CSDE1: variants seen among roughly 807,000 people sequenced by gnomAD.
CSDE1 encodes the protein cold shock domain containing E1, also known as cold shock domain-containing protein E1.
CSDE1 carries 17 observed loss-of-function variants against 89.3 expected under a neutral mutation model. The observed-to-expected ratio is 0.19, with a 90% CI of 0.13 to 0.29. The LOEUF (loss-of-function observed/expected upper bound fraction) is 0.29, where lower values mean the gene tolerates loss of function less well. Ranked by LOEUF, CSDE1 falls within the 10% of genes least tolerant of loss-of-function variation. The pLI is 1.00. For synonymous variants in CSDE1, 322 were observed against 332.8 expected, an observed-to-expected ratio of 0.97 and a Z score of 0.35; for missense variants, 672 against 984.2, an observed-to-expected ratio of 0.68 and a Z score of 4.24.
chr1:114,742,135 A>G (rs1458619128), intron 2 of CSDE1, among the ~76,000 whole-genome samples: 1 of 152,230 alleles, frequency 6.6e-6, no homozygotes, highest in Non-Finnish European at 1.5e-5. Flanking sequence ...CAGATGGTCT[A>G]TGAGTATCAT....
chr1:114,726,132 C>A, intron 14 of CSDE1, 79 bp downstream of exon 14: 1 of 1,359,548 alleles, frequency 7.4e-7, no homozygotes, highest in Non-Finnish European at 1.0e-6. Flanking sequence ...TATAATCAAT[C>A]AATACTAAAT....
intron 12 of CSDE1, among the ~76,000 whole-genome samples, chr1:114,727,989 T>G (rs1659890850): frequency 6.6e-6 from 1 of 152,182 alleles, no homozygotes; most frequent in Admixed American, 6.5e-5. Context: ...TAAACTCCAG[T>G]CCTCATTACA....
chr1:114,749,944 A>G lies in CSDE1; in HGVS notation c.-124T>C, dbSNP rs1273234191. The stretch of plus-strand genomic sequence containing the variant: ...AAGAGCGAGAGAAAATGATCTACCA[A>G]GCTAATAAAGAATACAACTGCTGCT... On this transcript the variant is annotated 5_prime_UTR_variant, in exon 2 of 20. Coordinates refer to ENST00000358528, the MANE Select transcript of CSDE1 (RefSeq NM_001007553.3). 6.6e-6 allele frequency: 1 copy of G among 152,646 alleles called. No individual in the cohort carries two copies. Among genetic ancestry groups the G allele is most frequent in the African/African-American group, 2.4e-5 (1 of 41,440 alleles). 9.5% of individuals were successfully genotyped at this position (152,646 alleles called of 1,614,324 possible). A position where few individuals can be genotyped will look rare whatever the true frequency, so the allele number is the denominator to read the frequency against.
At chr1:114,720,933 C>G (rs6692673) in intron 16 of CSDE1, among the ~76,000 whole-genome samples, 1 of 152,182 alleles carries the variant, frequency 6.6e-6, no homozygotes, top group African/African-American at 2.4e-5. Flanking sequence ...CCCATCAGTA[C>G]TTTATTAGCT....
At chr1:114,730,755 G>T in intron 10 of CSDE1, 107 bp from the exon 11 acceptor site, 1 of 1,283,718 alleles carries the variant, frequency 7.8e-7, no homozygotes, top group Non-Finnish European at 1.1e-6. Flanking sequence ...TCTCTGATGT[G>T]ACACAAATAC....
At chr1:114,741,364 C>A (rs955781795) in intron 2 of CSDE1, among the ~76,000 whole-genome samples, 2 of 152,084 alleles carry the variant, frequency 1.3e-5, no homozygotes, top group African/African-American at 2.4e-5. Context: ...GGCAGTAAGA[C>A]CCTAATCTAC....
rs1472731217 is a variant in CSDE1 at position 114,734,039 on chromosome 1, C to G, written c.661G>C (p.Glu221Gln). 6.2e-7 allele frequency: 1 copy of G among 1,613,348 alleles called. No individual in the cohort carries two copies. The highest frequency in any genetic ancestry group is 8.5e-7 in the Non-Finnish European group (1 of 1,179,974). ...FHYSEFKGDL[E>Q]TLQPGDDVEF... ...ACATCATCGCCAGGCTGTAAGGTTT[C>G]TAAGTCACCCTTAAATTCACTATAG... Residue 221 changes from glutamate (E) to glutamine (Q), a missense_variant, in exon 8 of 20, where the codon GAA becomes CAA. Coordinates refer to ENST00000358528, the MANE Select transcript of CSDE1 (RefSeq NM_001007553.3).
At chr1:114,722,087 G>A (rs1473661243) in intron 16 of CSDE1, among the ~76,000 whole-genome samples, 2 of 151,964 alleles carry the variant, frequency 1.3e-5, no homozygotes, top group Admixed American at 1.3e-4. Flanking sequence ...TCGCCATGTT[G>A]GCCAGGCTGG....
intron 2 of CSDE1, chr1:114,741,470 A>T: frequency 6.9e-7 from 1 of 1,442,294 alleles, no homozygotes; most frequent in Non-Finnish European, 9.2e-7. Flanking sequence ...TGGCAATCCT[A>T]GGTCATGCTC....
intron 2 of CSDE1, among the ~76,000 whole-genome samples, chr1:114,745,706 C>T (rs923256122): frequency 6.6e-6 from 1 of 152,210 alleles, no homozygotes; most frequent in African/African-American, 2.4e-5. Context: ...ACCTTCTACC[C>T]TTTTCTACAT....
intron 10 of CSDE1, among the ~76,000 whole-genome samples, chr1:114,731,872 CG>C (rs1660119775): frequency 6.6e-6 from 1 of 152,146 alleles, no homozygotes; most frequent in African/African-American, 2.4e-5. Context: ...TGCAGGGCAA[CG>C]GCATGGTATT....
At chr1:114,722,707 G>A (rs576324646) in intron 16 of CSDE1, among the ~76,000 whole-genome samples, 122 of 152,346 alleles carry the variant, frequency 8.0e-4, no homozygotes, top group African/African-American at 2.8e-3. Context: ...AAAGCAGCAC[G>A]TTAGGAGATG....
chr1:114,739,733 C>T lies in CSDE1; in HGVS notation c.158G>A (p.Cys53Tyr). 1 of 1,614,056 alleles carries T rather than the reference C, an allele frequency of 6.2e-7. No homozygotes were observed. The highest frequency in any genetic ancestry group is 8.5e-7 in the Non-Finnish European group (1 of 1,179,956). ...TTGCAGGTTGCCATTATACTGTGAA[C>T]AGTGGAAGAAAAGTCTAGCTTGACG... is the stretch of plus-strand genomic sequence containing the variant. ...SERQARLFFH[C>Y]SQYNGNLQDL... The change falls in exon 3 of 20, where the codon TGT becomes TAT. Residue 53 changes from cysteine (C) to tyrosine (Y), a missense_variant. By Grantham distance (194) the Cys-to-Tyr change is radical. Transcript: ENST00000358528.
chr1:114,736,714 A>T, intron 6 of CSDE1, 44 bp downstream of exon 6: 1 of 1,362,956 alleles, frequency 7.3e-7, no homozygotes, highest in Non-Finnish European at 1.0e-6. Context: ...GAGGGGGGAA[A>T]AAAAAACCGC....
chr1:114,750,871 C>T (rs1446404959), intron 1 of CSDE1, among the ~76,000 whole-genome samples: 3 of 152,180 alleles, frequency 2.0e-5, no homozygotes, highest in African/African-American at 4.8e-5. Flanking sequence ...TTCAGAGCAG[C>T]GACCATGCAT....
chr1:114,739,126 G>A (rs1660578930), intron 3 of CSDE1, among the ~76,000 whole-genome samples: 1 of 151,948 alleles, frequency 6.6e-6, no homozygotes, highest in Non-Finnish European at 1.5e-5. Context: ...CCGCCTCCCA[G>A]GTTCACACCA....
At chr1:114,752,825 TA>T (rs1372069719) in intron 1 of CSDE1, among the ~76,000 whole-genome samples, 1 of 152,242 alleles carries the variant, frequency 6.6e-6, no homozygotes, top group Non-Finnish European at 1.5e-5. Context: ...GCAATTTCTG[TA>T]CTTTGTTTAC....
intron 3 of CSDE1, among the ~76,000 whole-genome samples, chr1:114,739,071 G>A (rs879678324): frequency 4.0e-4 from 60 of 150,426 alleles, no homozygotes; most frequent in Non-Finnish European, 6.5e-4. Context: ...TCGCTCTGTC[G>A]CCCAGGCTGG....
chr1:114,736,059 A>G (rs1308757533), intron 6 of CSDE1, among the ~76,000 whole-genome samples: 1 of 152,172 alleles, frequency 6.6e-6, no homozygotes, highest in East Asian at 1.9e-4. Flanking sequence ...TGGTACCATC[A>G]TCTGCCCAGT....
Sources: allele counts gnomAD v4.1 joint callset (sites outside exome capture counted in the v4.1 genomes callset), GRCh38; gene constraint gnomAD v4.1.1; transcripts MANE v1.5; gene names NCBI Gene and HGNC (gene_info 2026-07-23, HGNC 2026-07-21).